The following AGBL1 variants were observed in gnomAD, a reference collection of about 807,000 sequenced individuals.
AGBL1 encodes the protein AGBL carboxypeptidase 1, also known as cytosolic carboxypeptidase 4.
Under a neutral mutation model 118.9 loss-of-function variants are expected in AGBL1, and 130 were observed. The ratio of observed to expected loss-of-function variants is 1.09; its 90% CI spans 0.95 to 1.26. The LOEUF (loss-of-function observed/expected upper bound fraction) is 1.26, where lower values mean the gene tolerates loss of function less well. Ranked by LOEUF, AGBL1 falls within the 50% of genes most tolerant of loss-of-function variation. The pLI is 0.00. For synonymous variants in AGBL1, 555 were observed against 478.9 expected (o/e 1.16, Z -2.08); for missense variants, 1,584 against 1,298.1 (o/e 1.22, Z -3.38).
intron 24 of AGBL1, among the ~76,000 whole-genome samples, chr15:86,996,830 C>A (rs1217535107): frequency 2.0e-5 from 3 of 151,854 alleles, no homozygotes; most frequent in African/African-American, 7.3e-5. Context: ...TTATTTAAAC[C>A]AAAATGAGAA....
In AGBL1 at chr15:86,828,848, G is replaced by A. The variant is rs1369338807; in HGVS notation, c.3159-78239G>A. On this transcript the variant is annotated intron_variant, in intron 22 of 22. Transcript: ENST00000614907. Reference sequence around the variant, plus strand: ...GCAAATTACTCACTGCCTGCACCAAGGCTGTGATAAAGTTTAAAATTACAT... The same window carrying A: ...GCAAATTACTCACTGCCTGCACCAAAGCTGTGATAAAGTTTAAAATTACAT... Among the ~76,000 whole-genome samples the A allele has an allele frequency of 2.7e-5, 4 of 150,518 alleles. No individual in the cohort carries two copies. In the East Asian group the frequency reaches 7.9e-4, roughly 30 times the overall value.
At chr15:87,020,964 T>C (rs138895141) in intron 24 of AGBL1, among the ~76,000 whole-genome samples, 273 of 152,122 alleles carry the variant, frequency 1.8e-3, no homozygotes, top group African/African-American at 6.4e-3. Context: ...TCAACTACCA[T>C]TGACATTCTT....
At chr15:86,955,478 G>A (rs1422860939) in intron 23 of AGBL1, among the ~76,000 whole-genome samples, 1 of 151,832 alleles carries the variant, frequency 6.6e-6, no homozygotes, top group Non-Finnish European at 1.5e-5. Flanking sequence ...TTTAAAAAAA[G>A]AACCAGACAC....
intron 24 of AGBL1, among the ~76,000 whole-genome samples, chr15:87,013,279 G>A (rs1004482123): frequency 6.6e-6 from 1 of 152,062 alleles, no homozygotes; most frequent in South Asian, 2.1e-4. Flanking sequence ...AGACAGGAAG[G>A]CTGGATGAAA....
Position 86,158,877 on chromosome 15 carries a change from T to C in AGBL1, c.395-56T>C, listed in dbSNP as rs553816742. The C allele has an allele frequency of 3.3e-6, 5 of 1,509,236 alleles. No individual in the cohort carries two copies. In the Admixed American group the frequency reaches 8.4e-5, roughly 25 times the overall value. 93.5% of individuals were successfully genotyped at this position (1,509,236 alleles called of 1,614,324 possible). On this transcript the variant is annotated intron_variant, in intron 4 of 22. Coordinates refer to ENST00000614907, the MANE Select transcript of AGBL1 (RefSeq NM_001386094.1). The stretch of plus-strand genomic sequence containing the variant: ...TTTAAAGGAGTCAATCCAAGTTGTC[T>C]TGAGCCTTAACTCATCCACTTGTGA...
At chr15:86,514,112 A>C (rs2083085814) in intron 18 of AGBL1, among the ~76,000 whole-genome samples, 1 of 144,534 alleles carries the variant, frequency 6.9e-6, no homozygotes, top group Non-Finnish European at 1.5e-5. Flanking sequence ...GAGCTGGGAA[A>C]TAGATGTATG....
intron 22 of AGBL1, among the ~76,000 whole-genome samples, chr15:86,715,649 A>G (rs1195566610): frequency 1.3e-5 from 2 of 152,210 alleles, no homozygotes; most frequent in Non-Finnish European, 2.9e-5. Flanking sequence ...TATCTGCAAG[A>G]TTGTGTTACT....
At chr15:86,204,477 C>A (rs988771200) in intron 5 of AGBL1, among the ~76,000 whole-genome samples, 5 of 141,178 alleles carry the variant, frequency 3.5e-5, no homozygotes, top group African/African-American at 1.3e-4. Flanking sequence ...CCCTTACCTT[C>A]CCTTCCTTTC....
intron 17 of AGBL1, among the ~76,000 whole-genome samples, chr15:86,345,269 G>A (rs1365863603): frequency 1.3e-5 from 2 of 151,608 alleles, no homozygotes; most frequent in African/African-American, 4.9e-5. Flanking sequence ...AAATGCCTTG[G>A]CTCTGTGCTC....
chr15:86,360,319 CT>C (rs570573457), intron 17 of AGBL1, among the ~76,000 whole-genome samples: 395 of 135,972 alleles, frequency 2.9e-3, no homozygotes, highest in African/African-American at 5.9e-3. Flanking sequence ...GGGTTTTTTC[CT>C]TTTTTTTTTT....
At chr15:86,380,611 C>T (rs2081101636) in intron 17 of AGBL1, among the ~76,000 whole-genome samples, 1 of 145,190 alleles carries the variant, frequency 6.9e-6, no homozygotes, top group South Asian at 2.3e-4. Context: ...CCGTCTGTGT[C>T]ATTCTCTCTG....
chr15:86,222,708 A>G (rs1270206348), intron 5 of AGBL1, among the ~76,000 whole-genome samples: 1 of 152,180 alleles, frequency 6.6e-6, no homozygotes, highest in African/African-American at 2.4e-5. Context: ...TTTCTCAGGA[A>G]TAAGCCTCAA....
intron 22 of AGBL1, among the ~76,000 whole-genome samples, chr15:86,850,617 T>C (rs549956395): frequency 6.6e-6 from 1 of 152,334 alleles, no homozygotes; most frequent in Admixed American, 6.5e-5. Flanking sequence ...ACATTCTTAT[T>C]AACACAGAGA....
At chr15:86,988,119 G>A (rs771686152) in intron 24 of AGBL1, 3 of 1,606,814 alleles carry the variant, frequency 1.9e-6, no homozygotes, top group East Asian at 4.5e-5. Context: ...ATTGTACATT[G>A]CTTGGGGCGG....
chr15:86,257,227 G>C (rs2078911471), intron 8 of AGBL1, among the ~76,000 whole-genome samples: 1 of 152,074 alleles, frequency 6.6e-6, no homozygotes, highest in Admixed American at 6.6e-5. Context: ...CGCTTATTTT[G>C]TTCTTCATTA....
At chr15:86,772,083 G>A (rs545599133) in intron 22 of AGBL1, among the ~76,000 whole-genome samples, 26 of 151,992 alleles carry the variant, frequency 1.7e-4, no homozygotes, top group Non-Finnish European at 3.7e-4. Context: ...ACATGAGGCC[G>A]GGAGGTCACT....
intron 18 of AGBL1, among the ~76,000 whole-genome samples, chr15:86,476,607 C>CT (rs1419321176): frequency 6.6e-6 from 1 of 152,158 alleles, no homozygotes; most frequent in African/African-American, 2.4e-5. Context: ...TACAAAGAGA[C>CT]TTAGACTCCC....
chr15:86,245,024 A>G (rs1045340159), intron 6 of AGBL1, among the ~76,000 whole-genome samples: 2 of 152,222 alleles, frequency 1.3e-5, no homozygotes, highest in Non-Finnish European at 2.9e-5. Flanking sequence ...ATGTATCACC[A>G]GGTGAATAAA....
intron 18 of AGBL1, among the ~76,000 whole-genome samples, chr15:86,460,793 G>A (rs945208577): frequency 4.6e-5 from 7 of 152,132 alleles, no homozygotes; most frequent in Non-Finnish European, 8.8e-5. Flanking sequence ...TGCTGGTTCT[G>A]TGCCATTGAC....
Sources: allele counts gnomAD v4.1 joint callset (sites outside exome capture counted in the v4.1 genomes callset), GRCh38; gene constraint gnomAD v4.1.1; transcripts MANE v1.5; gene names NCBI Gene and HGNC (gene_info 2026-07-23, HGNC 2026-07-21).